The following CACHD1 variants were observed in gnomAD, a reference collection of about 807,000 sequenced individuals.
CACHD1 encodes VWFA and cache domain-containing protein 1.
A neutral mutation model predicts 138.7 loss-of-function variants in CACHD1; 71 were observed. That is an observed-to-expected ratio of 0.51 (90% CI 0.42 to 0.62). The LOEUF (loss-of-function observed/expected upper bound fraction) is 0.62, where lower values mean the gene tolerates loss of function less well. Among genes scored for constraint, CACHD1 ranks in the 20% least tolerant of loss-of-function variants. CACHD1 has a pLI of 0.00. For missense variants in CACHD1, 1,389 were observed against 1,625.3 expected (o/e 0.85, Z 2.50); for synonymous variants, 578 against 591.5 (o/e 0.98, Z 0.33).
intron 1 of CACHD1, among the ~76,000 whole-genome samples, chr1:64,503,166 G>A (rs968737236): frequency 6.6e-6 from 1 of 152,112 alleles, no homozygotes; most frequent in African/African-American, 2.4e-5. Flanking sequence ...GCCGGCTTTT[G>A]ATAGTGAGTA....
rs1480490748 is a variant in CACHD1 at position 64,470,277 on chromosome 1, C to T, written c.-468C>T. ...GGGTGGCTGCCCCAGTCTCGCAGCC[C>T]GGCCGCCGCTCCTCTTCCCCGGGGG... On this transcript the variant is annotated 5_prime_UTR_variant, in exon 1 of 27. Transcript: ENST00000651257. This position sits in a 1 kb window ranked among gnomAD's most constrained non-coding sequence, Gnocchi z 5.2. 1.3e-5 allele frequency among the ~76,000 whole-genome samples: 2 copies of T among 151,956 alleles called. No individual in the cohort carries two copies. Among genetic ancestry groups the T allele is most frequent in the Non-Finnish European group, 2.9e-5 (2 of 67,912 alleles).
chr1:64,470,263 C>G lies in CACHD1; in HGVS notation c.-482C>G, dbSNP rs1250648621. ...TTCCCTCCTCGCTCGGGTGGCTGCC[C>G]CAGTCTCGCAGCCCGGCCGCCGCTC... On this transcript the variant is annotated 5_prime_UTR_variant, in exon 1 of 27. Coordinates refer to ENST00000651257, the MANE Select transcript of CACHD1 (RefSeq NM_020925.4). The surrounding 1 kb of genome is among the most constrained non-coding windows in gnomAD (Gnocchi z 5.2). Among the ~76,000 whole-genome samples the G allele has an allele frequency of 1.3e-5, 2 of 151,868 alleles. No individual in the cohort carries two copies. Among genetic ancestry groups the G allele is most frequent in the Non-Finnish European group, 2.9e-5 (2 of 67,896 alleles).
intron 1 of CACHD1, among the ~76,000 whole-genome samples, chr1:64,547,395 C>T (rs548890974): frequency 1.6e-3 from 250 of 152,198 alleles, no homozygotes; most frequent in African/African-American, 5.3e-3. Flanking sequence ...GACAGAGTTT[C>T]GCTCTTGTTG....
chr1:64,512,277 C>T (rs1646426404), intron 1 of CACHD1, among the ~76,000 whole-genome samples: 1 of 151,556 alleles, frequency 6.6e-6, no homozygotes, highest in South Asian at 2.1e-4. Context: ...ACCTGTAATT[C>T]CAGCTACTTG....
chr1:64,522,308 AT>A (rs11412205), intron 1 of CACHD1, among the ~76,000 whole-genome samples: 1 of 148,838 alleles, frequency 6.7e-6, no homozygotes, highest in Non-Finnish European at 1.5e-5. Flanking sequence ...CAACCCCCAC[AT>A]TTTTTTTTTG....
intron 4 of CACHD1, among the ~76,000 whole-genome samples, chr1:64,605,910 T>A (rs1647321800): frequency 6.6e-6 from 1 of 152,164 alleles, no homozygotes; most frequent in South Asian, 2.1e-4. Flanking sequence ...TTGCTCTGAA[T>A]GAGTTAGAAG....
intron 1 of CACHD1, among the ~76,000 whole-genome samples, chr1:64,525,652 G>T (rs1282816099): frequency 2.6e-5 from 4 of 152,196 alleles, no homozygotes; most frequent in African/African-American, 9.7e-5. Flanking sequence ...TAAATATAAA[G>T]GTCATCTCCA....
chr1:64,630,071 T>G (rs938438413), intron 5 of CACHD1, among the ~76,000 whole-genome samples: 1 of 152,224 alleles, frequency 6.6e-6, no homozygotes, highest in Non-Finnish European at 1.5e-5. Context: ...GACTCATTAA[T>G]TATAGAACCC....
chr1:64,605,681 C>T (rs184500719), intron 4 of CACHD1, among the ~76,000 whole-genome samples: 1 of 152,240 alleles, frequency 6.6e-6, no homozygotes, highest in East Asian at 1.9e-4. Flanking sequence ...AATGATGGTC[C>T]CCTGCCAAGA....
intron 1 of CACHD1, among the ~76,000 whole-genome samples, chr1:64,505,293 G>C (rs955599193): frequency 8.6e-5 from 13 of 152,036 alleles, no homozygotes; most frequent in African/African-American, 2.7e-4. Flanking sequence ...ACTGGTACCT[G>C]CTCAGCCCCG....
At chr1:64,674,053 A>G (rs1649904334) in intron 19 of CACHD1, among the ~76,000 whole-genome samples, 1 of 146,988 alleles carries the variant, frequency 6.8e-6, no homozygotes, top group South Asian at 2.2e-4. Flanking sequence ...GGGGAATGAA[A>G]GAACATTCAA....
chr1:64,645,893 C>T (rs1648885748), intron 8 of CACHD1, among the ~76,000 whole-genome samples: 1 of 152,112 alleles, frequency 6.6e-6, no homozygotes, highest in Admixed American at 6.6e-5. Context: ...CGCAGTACAG[C>T]CCTCACTTTT....
At chr1:64,530,130 A>G (rs79997158) in intron 1 of CACHD1, among the ~76,000 whole-genome samples, 1 of 152,312 alleles carries the variant, frequency 6.6e-6, no homozygotes, top group African/African-American at 2.4e-5. Context: ...TTGAAACTGA[A>G]AATTATGTTT....
chr1:64,561,134 A>G (rs1033767285), intron 2 of CACHD1, among the ~76,000 whole-genome samples: 1 of 151,626 alleles, frequency 6.6e-6, no homozygotes, highest in Non-Finnish European at 1.5e-5. Context: ...TTTAGGGGAA[A>G]TGTTTAATAA....
chr1:64,690,871 A>ATCC (rs1650526014), intron 26 of CACHD1, among the ~76,000 whole-genome samples: 1 of 152,200 alleles, frequency 6.6e-6, no homozygotes, highest in Non-Finnish European at 1.5e-5. Flanking sequence ...GTTGATCTGA[A>ATCC]TCCTGTTCAG....
chr1:64,542,468 C>G (rs1362262489), intron 1 of CACHD1, among the ~76,000 whole-genome samples: 1 of 152,040 alleles, frequency 6.6e-6, no homozygotes, highest in Non-Finnish European at 1.5e-5. Flanking sequence ...CAAACATAAG[C>G]CTCTGAATTT....
intron 8 of CACHD1, among the ~76,000 whole-genome samples, chr1:64,646,412 A>G (rs1648903225): frequency 1.3e-5 from 2 of 152,170 alleles, no homozygotes; most frequent in South Asian, 4.1e-4. Flanking sequence ...AGTCAAGTTT[A>G]TTTAAATATA....
intron 5 of CACHD1, among the ~76,000 whole-genome samples, chr1:64,632,256 G>A (rs1280203474): frequency 6.9e-5 from 9 of 129,794 alleles, no homozygotes; most frequent in African/African-American, 1.8e-4. Flanking sequence ...GCTTTTTTCT[G>A]AAAAAAAAAA....
chr1:64,663,745 C>T lies in CACHD1; in HGVS notation c.2002C>T (p.His668Tyr), dbSNP rs751614088. 2 of 1,614,040 alleles carry T rather than the reference C, an allele frequency of 1.2e-6. No homozygotes were observed. The highest frequency in any genetic ancestry group is 1.7e-5 in the Admixed American group (1 of 60,008). Residue 668 changes from histidine (H) to tyrosine (Y), a missense_variant, in exon 14 of 27, where the codon CAC (histidine) becomes TAC (tyrosine). Transcript: ENST00000651257. The part of the protein sequence containing the change: ...SAGSFSSPYE[H>Y]LSQPETKRMV... ...TGGCAGCTTTTCCTCCCCCTATGAG[C>T]ACCTCAGCCAGCCAGAGACAAAGCG... is the stretch of plus-strand genomic sequence containing the variant.
Sources: allele counts gnomAD v4.1 joint callset (sites outside exome capture counted in the v4.1 genomes callset), GRCh38; gene constraint gnomAD v4.1.1; non-coding constraint Gnocchi (gnomAD v3.1); transcripts MANE v1.5; gene names NCBI Gene and HGNC (gene_info 2026-07-23, HGNC 2026-07-21).